The following STARD13 variants were observed in gnomAD, a reference collection of about 807,000 sequenced individuals.
STARD13 encodes stAR-related lipid transfer protein 13.
In STARD13, 62 loss-of-function variants were observed where a neutral mutation model predicts 106.4. The observed-to-expected ratio is 0.58, with a 90% confidence interval of 0.48 to 0.72. The LOEUF is 0.72. Among genes scored for constraint, STARD13 ranks in the 30% least tolerant of loss-of-function variants. STARD13 has a pLI of 0.00. For synonymous variants in STARD13, 565 were observed against 553.0 expected (o/e 1.02, Z -0.31); for missense variants, 1,387 against 1,424.0 (o/e 0.97, Z 0.42).
chr13:33,530,780 A>T, the STARD13 span, among the ~76,000 whole-genome samples: 1 of 152,240 alleles, frequency 6.6e-6, no homozygotes, highest in Admixed American at 6.5e-5. Context: ...AGAGGCTGCA[A>T]CACAGTGATA....
chr13:33,363,921 T>C, the STARD13 span, among the ~76,000 whole-genome samples: 5 of 152,304 alleles, frequency 3.3e-5, 1 homozygote, highest in South Asian at 8.3e-4. Context: ...CTTCCAAATG[T>C]TGAAATATTT....
the STARD13 span, among the ~76,000 whole-genome samples, chr13:33,415,643 T>C: frequency 5.3e-5 from 8 of 152,042 alleles, no homozygotes; most frequent in Non-Finnish European, 1.2e-4. Context: ...GCTGCAGCGC[T>C]CCGCAGACCT....
chr13:33,368,252 A>G, the STARD13 span, among the ~76,000 whole-genome samples: 1 of 152,194 alleles, frequency 6.6e-6, no homozygotes, highest in African/African-American at 2.4e-5. Flanking sequence ...TGTAACATAG[A>G]AAAGCTCTTT....
At chr13:33,224,176 T>G (rs180802965) in intron 1 of STARD13, among the ~76,000 whole-genome samples, 2 of 152,226 alleles carry the variant, frequency 1.3e-5, no homozygotes, top group African/African-American at 2.4e-5. Context: ...TAGTTAAGAG[T>G]AATACACAAC....
downstream of STARD13, among the ~76,000 whole-genome samples, chr13:33,347,488 C>CT (rs2078029988): frequency 6.6e-6 from 1 of 152,176 alleles, no homozygotes; most frequent in Non-Finnish European, 1.5e-5. Context: ...CTCAAGTGAT[C>CT]TGCCCGCCTT....
chr13:33,118,856 T>G (rs1875812785), intron 7 of STARD13, among the ~76,000 whole-genome samples: 1 of 152,228 alleles, frequency 6.6e-6, no homozygotes, highest in African/African-American at 2.4e-5. Flanking sequence ...AAGGAATTTA[T>G]TTACTTTTTC....
At chr13:33,340,058 C>T (rs1213767874) in intron 1 of STARD13, among the ~76,000 whole-genome samples, 1 of 152,202 alleles carries the variant, frequency 6.6e-6, no homozygotes, top group African/African-American at 2.4e-5. Flanking sequence ...GAGGGAAGCA[C>T]TATCTTGCCA....
intron 1 of STARD13, chr13:33,335,285 C>G (rs2077882732): frequency 6.6e-6 from 1 of 152,228 alleles, no homozygotes; most frequent in Admixed American, 6.5e-5. Context: ...GAGAAAAAAT[C>G]AGGATCACCA....
Position 33,103,409 on chromosome 13 carries a change from G to A in STARD13, c.*2184C>T, listed in dbSNP as rs747269885. The A allele has an allele frequency of 6.6e-6, 1 of 152,474 alleles. No homozygotes were observed. The highest frequency in any genetic ancestry group is 2.4e-5 in the African/African-American group (1 of 41,388). The allele number at this position is 152,474 out of a possible 1,614,324, so 9.4% of individuals were successfully genotyped here. A position where few individuals can be genotyped will look rare whatever the true frequency, so the allele number is the denominator to read the frequency against. ...AAGATGCACTGTGTTGTTATGCAGC[G>A]GTGATATGATTACTATGTGCACAAA... On this transcript the variant is annotated 3_prime_UTR_variant, in exon 14 of 14. Coordinates refer to ENST00000336934, the MANE Select transcript of STARD13 (RefSeq NM_178006.4).
At chr13:33,543,519 AGTT>A in the STARD13 span, among the ~76,000 whole-genome samples, 4 of 151,628 alleles carry the variant, frequency 2.6e-5, no homozygotes, top group African/African-American at 4.9e-5. Flanking sequence ...GTACTAACAG[AGTT>A]GTTCTAAATG....
the STARD13 span, among the ~76,000 whole-genome samples, chr13:33,387,448 A>G: frequency 2.0e-5 from 3 of 152,196 alleles, no homozygotes; most frequent in Non-Finnish European, 4.4e-5. Flanking sequence ...TGGGGATTCA[A>G]AACAAAACAA....
chr13:33,401,237 T>C, the STARD13 span, among the ~76,000 whole-genome samples: 1 of 151,814 alleles, frequency 6.6e-6, no homozygotes, highest in African/African-American at 2.4e-5. Flanking sequence ...TATTTAAACA[T>C]TTTTTTTCTG....
chr13:33,163,709 A>AAACATATATATATATAACATATATATAT (rs1882994392), intron 3 of STARD13, among the ~76,000 whole-genome samples: 2 of 134,574 alleles, frequency 1.5e-5, no homozygotes, highest in Non-Finnish European at 3.2e-5. Context: ...CATATATATA[A>AAACATATATATATATAACATATATATAT]AACATATATA....
At chr13:33,193,649 A>G (rs1280519964) in intron 1 of STARD13, among the ~76,000 whole-genome samples, 1 of 152,186 alleles carries the variant, frequency 6.6e-6, no homozygotes, top group Non-Finnish European at 1.5e-5. Flanking sequence ...CAGAAGCCCA[A>G]TGCCTCCCAC....
the STARD13 span, among the ~76,000 whole-genome samples, chr13:33,505,383 T>C: frequency 1.3e-5 from 2 of 152,116 alleles, no homozygotes; most frequent in African/African-American, 4.8e-5. Context: ...AAAATTCATA[T>C]AGAATTAACT....
rs1566020568 is a variant in STARD13 at position 33,142,320 on chromosome 13, T to C, written c.377A>G (p.Gln126Arg). ...CASMKLDVNF[Q>R]RKKGDDSDEE... ...GGTGTGGGCACCTACCTTTTTCCTT[T>C]GGAAGTTCACATCAAGTTTCATTGA... The change falls in exon 4 of 14, where the codon CAA (glutamine) becomes CGA (arginine). Residue 126 changes from glutamine (Q) to arginine (R), a missense_variant. Transcript: ENST00000336934. 6.2e-7 allele frequency: 1 copy of C among 1,614,026 alleles called. No individual in the cohort carries two copies. Among genetic ancestry groups the C allele is most frequent in the Non-Finnish European group, 8.5e-7 (1 of 1,179,942 alleles).
intron 1 of STARD13, among the ~76,000 whole-genome samples, chr13:33,227,703 G>A (rs1213319635): frequency 6.6e-6 from 1 of 152,122 alleles, no homozygotes; most frequent in African/African-American, 2.4e-5. Context: ...ACAACAGGGA[G>A]GCAAGATGCT....
the STARD13 span, among the ~76,000 whole-genome samples, chr13:33,449,782 T>C: frequency 1.3e-5 from 2 of 152,108 alleles, no homozygotes; most frequent in Non-Finnish European, 2.9e-5. Context: ...TTTTTTGTAG[T>C]TTTAATTGTA....
At chr13:33,482,121 T>C in the STARD13 span, among the ~76,000 whole-genome samples, 2 of 152,172 alleles carry the variant, frequency 1.3e-5, no homozygotes, top group Non-Finnish European at 2.9e-5. Context: ...CTTTTAGAGA[T>C]ATATACTACA....
Sources: gnomAD v4.1 joint callset for allele counts (sites outside exome capture counted in the v4.1 genomes callset) on GRCh38, gnomAD v4.1.1 for gene constraint, MANE v1.5 for transcripts, NCBI Gene and HGNC (gene_info 2026-07-23, HGNC 2026-07-21) for gene names.